SLC44A5: variants seen among roughly 807,000 people sequenced by gnomAD.
SLC44A5 encodes solute carrier family 44 member 5.
In SLC44A5, 57 loss-of-function variants were observed where a neutral mutation model predicts 101.8. The ratio of observed to expected loss-of-function variants is 0.56; its 90% CI spans 0.45 to 0.70. The LOEUF (loss-of-function observed/expected upper bound fraction) is 0.70, where lower values mean the gene tolerates loss of function less well. SLC44A5 is among the 30% of genes least tolerant of loss of function. The probability of loss-of-function intolerance (pLI) is 0.00; values close to 1 mark genes in which losing one functional copy is unlikely to be tolerated. For missense variants in SLC44A5, 737 were observed against 853.1 expected (o/e 0.86, Z 1.70); for synonymous variants, 281 against 290.9 (o/e 0.97, Z 0.35).
chr1:75,533,565 CA>C, intron 2 of SLC44A5, among the ~76,000 whole-genome samples: 1 of 152,112 alleles, frequency 6.6e-6, no homozygotes. Context: ...CTGCAAATAC[CA>C]AAACCTTGCA....
At chr1:75,595,771 T>G (rs1674596729) in intron 1 of SLC44A5, among the ~76,000 whole-genome samples, 1 of 152,196 alleles carries the variant, frequency 6.6e-6, no homozygotes, top group African/African-American at 2.4e-5. Context: ...ATAGAAAGAT[T>G]TACTAGTCTC....
the SLC44A5 span, among the ~76,000 whole-genome samples, chr1:75,682,986 C>T: frequency 6.6e-6 from 1 of 151,994 alleles, no homozygotes; most frequent in Non-Finnish European, 1.5e-5. Flanking sequence ...ATTTATGCAG[C>T]CAAAAAACAC....
chr1:75,307,752 G>T (rs1306006043), intron 4 of SLC44A5, among the ~76,000 whole-genome samples: 1 of 152,080 alleles, frequency 6.6e-6, no homozygotes, highest in East Asian at 1.9e-4. Context: ...GTTCTTTGTT[G>T]TTCTGTTCCC....
chr1:75,324,992 C>T (rs527317762), intron 4 of SLC44A5, among the ~76,000 whole-genome samples: 1 of 152,088 alleles, frequency 6.6e-6, no homozygotes, highest in Non-Finnish European at 1.5e-5. Context: ...AGGTCTTGTA[C>T]TAGGGGATGA....
At chr1:75,543,729 G>A (rs144209496) in intron 1 of SLC44A5, among the ~76,000 whole-genome samples, 4 of 148,866 alleles carry the variant, frequency 2.7e-5, no homozygotes, top group East Asian at 2.0e-4. Flanking sequence ...CTTCTTTAAT[G>A]TTTATAAAAT....
chr1:75,229,578 C>T lies in SLC44A5; in HGVS notation c.854-1721G>A, dbSNP rs531020954. On this transcript the variant is annotated intron_variant, in intron 12 of 23. Transcript: ENST00000370859. Reference sequence around the variant, plus strand: ...CCAAGTGTTTTCTTAGATATTTTCCCCAAAAGAGCCCTCCTGCTAATACTG... The same window carrying T: ...CCAAGTGTTTTCTTAGATATTTTCCTCAAAAGAGCCCTCCTGCTAATACTG... 5.3e-4 allele frequency among the ~76,000 whole-genome samples: 80 copies of T among 152,192 alleles called. No individual in the cohort carries two copies. The South Asian group carries it at 0.012, about 23-fold the overall frequency.
chr1:75,451,069 A>C (rs560717299), intron 2 of SLC44A5, among the ~76,000 whole-genome samples: 46 of 152,292 alleles, frequency 3.0e-4, no homozygotes, highest in African/African-American at 8.9e-4. Context: ...TCCCAGCTGC[A>C]TGCTTAGGCA....
intron 1 of SLC44A5, among the ~76,000 whole-genome samples, chr1:75,551,440 T>A (rs989165523): frequency 6.6e-6 from 1 of 152,102 alleles, no homozygotes; most frequent in Non-Finnish European, 1.5e-5. Context: ...GATCCTCCTA[T>A]CCTTAATTTT....
chr1:75,289,283 T>A (rs1310339911), intron 5 of SLC44A5, among the ~76,000 whole-genome samples: 1 of 152,114 alleles, frequency 6.6e-6, no homozygotes, highest in Non-Finnish European at 1.5e-5. Context: ...AACAAGATAG[T>A]TTATGGGGCC....
the SLC44A5 span, among the ~76,000 whole-genome samples, chr1:75,650,659 A>T: frequency 1.7e-4 from 26 of 152,298 alleles, no homozygotes; most frequent in Middle Eastern, 6.8e-3. Flanking sequence ...TCCTCAGACA[A>T]ATCTTCAGGC....
chr1:75,455,354 A>G (rs1666129512), intron 2 of SLC44A5, among the ~76,000 whole-genome samples: 1 of 152,156 alleles, frequency 6.6e-6, no homozygotes, highest in Admixed American at 6.5e-5. Flanking sequence ...CACCATAGAC[A>G]AAATTTAACT....
intron 3 of SLC44A5, among the ~76,000 whole-genome samples, chr1:75,370,063 C>T (rs547098114): frequency 1.2e-4 from 19 of 152,336 alleles, no homozygotes; most frequent in Admixed American, 2.6e-4. Context: ...GTAGTTCTGA[C>T]TGAACTAAGA....
intron 14 of SLC44A5, 143 bp from the exon 15 acceptor site, chr1:75,220,035 T>A (rs773429674): frequency 1.2e-5 from 6 of 502,070 alleles, no homozygotes; most frequent in Non-Finnish European, 2.1e-5. Flanking sequence ...TTTACATTTT[T>A]ATTTATTTAT....
chr1:75,450,832 C>T (rs1045902877), intron 2 of SLC44A5, among the ~76,000 whole-genome samples: 20 of 152,158 alleles, frequency 1.3e-4, no homozygotes, highest in African/African-American at 4.8e-4. Flanking sequence ...TACAGGAAGG[C>T]CCTCCCTCCT....
At chr1:75,336,264 T>A (rs1007701047) in intron 4 of SLC44A5, among the ~76,000 whole-genome samples, 1 of 152,074 alleles carries the variant, frequency 6.6e-6, no homozygotes, top group Non-Finnish European at 1.5e-5. Flanking sequence ...CAAGCGATTC[T>A]CCTGCCTCAG....
At position 75,203,672 on chromosome 1, in the gene SLC44A5, A is replaced by G; in HGVS notation, c.*55T>C. The stretch of plus-strand genomic sequence containing the variant: ...CACTTATGAAACAAATGTTGCACAG[A>G]CACAGCAGATGGAGAAAAGGTAACA... On this transcript the variant is annotated 3_prime_UTR_variant, in exon 24 of 24. Transcript: ENST00000370859. 6.6e-7 allele frequency: 1 copy of G among 1,511,078 alleles called. No individual in the cohort carries two copies. Among genetic ancestry groups the G allele is most frequent in the Non-Finnish European group, 8.9e-7 (1 of 1,128,546 alleles). 93.6% of individuals were successfully genotyped at this position (1,511,078 alleles called of 1,614,324 possible).
At chr1:75,337,625 C>A (rs1231611069) in intron 4 of SLC44A5, among the ~76,000 whole-genome samples, 3 of 152,098 alleles carry the variant, frequency 2.0e-5, no homozygotes, top group Non-Finnish European at 2.9e-5. Context: ...CCTGGGGAAA[C>A]ACCTTAAACT....
chr1:75,627,359 T>C, the SLC44A5 span, among the ~76,000 whole-genome samples: 11 of 152,056 alleles, frequency 7.2e-5, no homozygotes, highest in East Asian at 5.8e-4. Flanking sequence ...TGGGATCAGA[T>C]TAGGGAGCCC....
chr1:75,626,460 T>A, the SLC44A5 span, among the ~76,000 whole-genome samples: 824 of 152,282 alleles, frequency 5.4e-3, 16 homozygotes, highest in Admixed American at 0.037. Flanking sequence ...TACACAGGAA[T>A]GATCTGACTC....
Sources: gnomAD v4.1 joint callset for allele counts (sites outside exome capture counted in the v4.1 genomes callset) on GRCh38, gnomAD v4.1.1 for gene constraint, MANE v1.5 for transcripts, NCBI Gene and HGNC (gene_info 2026-07-23, HGNC 2026-07-21) for gene names.